The following H1-4 variants were observed in gnomAD, a reference collection of about 807,000 sequenced individuals.
H1-4 encodes H1.4 linker histone, cluster member, also known as histone H1.4.
In H1-4, 9 loss-of-function variants were observed where a neutral mutation model predicts 7.2. The ratio of observed to expected loss-of-function variants is 1.25; its 90% CI spans 0.75 to 2.18. The LOEUF (loss-of-function observed/expected upper bound fraction) is 2.18. Among genes scored for constraint, H1-4 ranks in the 30% most tolerant of loss-of-function variants. H1-4 has a pLI of 0.00. For missense variants in H1-4, 646 were observed against 287.9 expected, an observed-to-expected ratio of 2.24 and a Z score of -9.00; for synonymous variants, 318 against 126.6, an observed-to-expected ratio of 2.51 and a Z score of -10.15.
rs1184161636 is a variant in H1-4 at position 26,156,873 on chromosome 6, G to A, written c.483G>A (p.Pro161=). The part of the protein sequence containing the change: ...AKKTPKKAKK[P]AAAAGAKKAK... Reference sequence around the variant, plus strand: ...AGACCCCAAAGAAGGCGAAGAAGCCGGCTGCAGCTGCTGGAGCCAAAAAAG... The same window carrying A: ...AGACCCCAAAGAAGGCGAAGAAGCCAGCTGCAGCTGCTGGAGCCAAAAAAG... Residue 161 remains proline (P), a synonymous_variant, in exon 1 of 1, where the codon CCG becomes CCA. Coordinates refer to ENST00000304218, the MANE Select transcript of H1-4 (RefSeq NM_005321.3). 2.5e-6 allele frequency: 4 copies of A among 1,608,102 alleles called. No homozygotes were observed. The highest frequency in any genetic ancestry group is 2.2e-5 in the East Asian group (1 of 44,688).
Position 26,156,709 on chromosome 6 carries a change from C to T in H1-4, c.319C>T (p.Leu107Phe), listed in dbSNP as rs1233751189. 2 of 1,614,234 alleles carry T rather than the reference C, an allele frequency of 1.2e-6. No individual in the cohort carries two copies. Among genetic ancestry groups the T allele is most frequent in the Non-Finnish European group, 8.5e-7 (1 of 1,180,052 alleles). The change falls in exon 1 of 1, where the codon CTC (leucine) becomes TTC (phenylalanine). Residue 107 changes from leucine (L) to phenylalanine (F), a missense_variant. Coordinates refer to ENST00000304218, the MANE Select transcript of H1-4 (RefSeq NM_005321.3). ...CACCGGCGCGTCGGGTTCCTTCAAA[C>T]TCAACAAGAAGGCGGCCTCTGGGGA... ...KGTGASGSFK[L>F]NKKAASGEAK...
rs557299342 is a variant in H1-4 at position 26,156,337 on chromosome 6, G to A, written c.-54G>A. The A allele has an allele frequency of 2.0e-6, 3 of 1,476,356 alleles. No homozygotes were observed. Among genetic ancestry groups the A allele is most frequent in the Admixed American group, 2.2e-5 (1 of 45,348 alleles). 91.5% of individuals were successfully genotyped at this position (1,476,356 alleles called of 1,614,324 possible). On this transcript the variant is annotated 5_prime_UTR_variant, in exon 1 of 1. Transcript: ENST00000304218. ...GGCGCAGCGCCGCGGCTCGAGTCCC[G>A]GCCAGTGCCTCTGCTTCCGGCTCGA...
chr6:26,156,736 G>C lies in H1-4; in HGVS notation c.346G>C (p.Ala116Pro). The change falls in exon 1 of 1, where the codon GCC (alanine) becomes CCC (proline). Residue 116 changes from alanine (A) to proline (P), a missense_variant. By Grantham distance (27) the Ala-to-Pro change is conservative. Coordinates refer to ENST00000304218, the MANE Select transcript of H1-4 (RefSeq NM_005321.3). Reference sequence around the variant, plus strand: ...CAACAAGAAGGCGGCCTCTGGGGAAGCCAAGCCTAAGGCTAAAAAGGCAGG... The same window carrying C: ...CAACAAGAAGGCGGCCTCTGGGGAACCCAAGCCTAAGGCTAAAAAGGCAGG... Reference protein sequence around the residue: ...KLNKKAASGEAKPKAKKAGAA... With the variant: ...KLNKKAASGEPKPKAKKAGAA... 6.2e-7 allele frequency: 1 copy of C among 1,614,076 alleles called. No homozygotes were observed. The highest frequency in any genetic ancestry group is 8.5e-7 in the Non-Finnish European group (1 of 1,180,010).
rs1764197246 is a variant in H1-4, at chr6:26,156,866, A to G, written c.476A>G (p.Lys159Arg). Reference sequence around the variant, plus strand: ...GCCAAGAAGACCCCAAAGAAGGCGAAGAAGCCGGCTGCAGCTGCTGGAGCC... The same window carrying G: ...GCCAAGAAGACCCCAAAGAAGGCGAGGAAGCCGGCTGCAGCTGCTGGAGCC... ...KSAKKTPKKA[K>R]KPAAAAGAKK... is the part of the protein sequence containing the mutation. Residue 159 changes from lysine to arginine, a missense_variant, in exon 1 of 1, where the codon AAG becomes AGG. Transcript: ENST00000304218. The G allele has an allele frequency of 6.2e-7, 1 of 1,608,004 alleles. No homozygotes were observed. Among genetic ancestry groups the G allele is most frequent in the Non-Finnish European group, 8.5e-7 (1 of 1,177,892 alleles).
chr6:26,156,559 G>C lies in H1-4; in HGVS notation c.169G>C (p.Val57Leu). ...TGCCGCCTCCAAGGAGCGCAGCGGC[G>C]TATCTTTGGCCGCTCTCAAGAAAGC... ...AVAASKERSG[V>L]SLAALKKALA... Residue 57 changes from valine (V) to leucine (L), a missense_variant, in exon 1 of 1, where the codon GTA (valine) becomes CTA (leucine). By Grantham distance (32) the Val-to-Leu change is conservative (BLOSUM62 1). Transcript: ENST00000304218. 5.0e-6 allele frequency: 8 copies of C among 1,614,150 alleles called. No individual in the cohort carries two copies. Among genetic ancestry groups the C allele is most frequent in the South Asian group, 1.1e-5 (1 of 91,082 alleles).
At position 26,156,439 on chromosome 6, in the gene H1-4, A is replaced by G. The variant is rs776052237; in HGVS notation, c.49A>G (p.Lys17Glu). ...GCCCGCTGCTCCGGCCCCTGCCGAG[A>G]AGACTCCCGTGAAGAAGAAGGCCCG... is the stretch of plus-strand genomic sequence containing the variant. ...AAPAAPAPAE[K>E]TPVKKKARKS... The change falls in exon 1 of 1, where the codon AAG (lysine) becomes GAG (glutamate). Residue 17 changes from lysine to glutamate, a missense_variant. By Grantham distance (56) the Lys-to-Glu change is moderately conservative (BLOSUM62 1). Transcript: ENST00000304218. 2 of 1,608,664 alleles carry G rather than the reference A, an allele frequency of 1.2e-6. No individual in the cohort carries two copies. The highest frequency in any genetic ancestry group is 1.7e-6 in the Non-Finnish European group (2 of 1,177,474).
Position 26,156,972 on chromosome 6 carries a change from TAAACCCA to T in H1-4, c.584_590del (p.Lys195ArgfsTer32), listed in dbSNP as rs1561966211. The T allele has an allele frequency of 6.2e-7, 1 of 1,611,726 alleles. No homozygotes were observed. The highest frequency in any genetic ancestry group is 8.5e-7 in the Non-Finnish European group (1 of 1,179,730). ...AGAGCCCAGCGAAGGCCAAAGCAGT[TAAACCCA>T]AGGCGGCTAAACCAAAGACCGCCAA... On this transcript the variant is annotated frameshift_variant, in exon 1 of 1. Transcript: ENST00000304218. LOFTEE classifies it high-confidence loss of function.
rs750154588 is a variant in H1-4, at chr6:26,156,795, G to A, written c.405G>A (p.Ala135=). 6.2e-7 allele frequency: 1 copy of A among 1,611,118 alleles called. No homozygotes were observed. Among genetic ancestry groups the A allele is most frequent in the Non-Finnish European group, 8.5e-7 (1 of 1,178,656 alleles). ...AGGCCAAGAAGCCAGCAGGAGCGGC[G>A]AAGAAGCCCAAGAAGGCGACGGGGG... ...AAKAKKPAGA[A]KKPKKATGAA... Residue 135 remains alanine, a synonymous_variant, in exon 1 of 1, where the codon GCG becomes GCA. Coordinates refer to ENST00000304218, the MANE Select transcript of H1-4 (RefSeq NM_005321.3).
In H1-4 at chr6:26,156,758, C is replaced by G. The variant is rs146299591; in HGVS notation, c.368C>G (p.Ala123Gly). The change falls in exon 1 of 1, where the codon GCA (alanine) becomes GGA (glycine). Residue 123 changes from alanine to glycine, a missense_variant. Physicochemically the swap from Ala to Gly is moderately conservative, Grantham distance 60 (BLOSUM62 0). Coordinates refer to ENST00000304218, the MANE Select transcript of H1-4 (RefSeq NM_005321.3). ...GAAGCCAAGCCTAAGGCTAAAAAGG[C>G]AGGCGCGGCCAAGGCCAAGAAGCCA... ...SGEAKPKAKK[A>G]GAAKAKKPAG... is the part of the protein sequence containing the mutation. The G allele has an allele frequency of 1.2e-5, 19 of 1,613,776 alleles. No individual in the cohort carries two copies. Among genetic ancestry groups the G allele is most frequent in the Admixed American group, 1.7e-5 (1 of 59,958 alleles).
Position 26,157,086 on chromosome 6 carries a change from C to CA in H1-4, c.*38dup, listed in dbSNP as rs1561966426. 3 of 1,564,398 alleles carry CA rather than the reference C, an allele frequency of 1.9e-6. No individual in the cohort carries two copies. Among genetic ancestry groups the CA allele is most frequent in the East Asian group, 2.2e-5 (1 of 44,696 alleles). On this transcript the variant is annotated 3_prime_UTR_variant, in exon 1 of 1. Transcript: ENST00000304218. ...TGGCCAACTGCTTAGAAGCCCAACACAACCCAAAGGCTCTTTTCAGAGCCA... is the reference window on the plus strand; with the variant it reads ...TGGCCAACTGCTTAGAAGCCCAACACAAACCCAAAGGCTCTTTTCAGAGCCA...
rs150634482 is a variant in H1-4 at position 26,156,513 on chromosome 6, C to A, written c.123C>A (p.Ser41=). Residue 41 remains serine, a synonymous_variant, in exon 1 of 1, where the codon TCC becomes TCA. Transcript: ENST00000304218. ...AKRKASGPPV[S]ELITKAVAAS... is the part of the protein sequence containing the mutation. The stretch of plus-strand genomic sequence containing the variant: ...GCAAAGCGTCTGGGCCCCCGGTGTC[C>A]GAGCTCATTACTAAAGCTGTTGCCG... 1.2e-6 allele frequency: 2 copies of A among 1,613,884 alleles called. No individual in the cohort carries two copies. Among genetic ancestry groups the A allele is most frequent in the Admixed American group, 3.3e-5 (2 of 60,028 alleles).
At position 26,156,579 on chromosome 6, in the gene H1-4, G is replaced by A. The variant is rs535188796; in HGVS notation, c.189G>A (p.Lys63=). The A allele has an allele frequency of 2.0e-5, 33 of 1,614,086 alleles. No homozygotes were observed. The East Asian group carries it at 5.3e-4, about 26-fold the overall frequency. The change falls in exon 1 of 1, where the codon AAG becomes AAA. Residue 63 remains lysine, a synonymous_variant. Coordinates refer to ENST00000304218, the MANE Select transcript of H1-4 (RefSeq NM_005321.3). ...ERSGVSLAAL[K]KALAAAGYDV... ...GCGGCGTATCTTTGGCCGCTCTCAA[G>A]AAAGCGCTGGCAGCCGCTGGCTATG...
In H1-4 at chr6:26,156,944, C is replaced by T. The variant is rs760459487; in HGVS notation, c.554C>T (p.Pro185Leu). 1.9e-6 allele frequency: 3 copies of T among 1,612,474 alleles called. No homozygotes were observed. The highest frequency in any genetic ancestry group is 2.2e-5 in the South Asian group (2 of 91,026). Residue 185 changes from proline (P) to leucine (L), a missense_variant, in exon 1 of 1, where the codon CCC (proline) becomes CTC (leucine). By Grantham distance (98) the Pro-to-Leu change is moderately conservative. Coordinates refer to ENST00000304218, the MANE Select transcript of H1-4 (RefSeq NM_005321.3). The part of the protein sequence containing the change: ...KAKAAKPKKA[P>L]KSPAKAKAVK... The stretch of plus-strand genomic sequence containing the variant: ...AAAGCAGCCAAGCCAAAAAAGGCGC[C>T]CAAGAGCCCAGCGAAGGCCAAAGCA...
chr6:26,156,946 A>G lies in H1-4; in HGVS notation c.556A>G (p.Lys186Glu). Reference sequence around the variant, plus strand: ...AGCAGCCAAGCCAAAAAAGGCGCCCAAGAGCCCAGCGAAGGCCAAAGCAGT... The same window carrying G: ...AGCAGCCAAGCCAAAAAAGGCGCCCGAGAGCCCAGCGAAGGCCAAAGCAGT... ...AKAAKPKKAPKSPAKAKAVKP... is the reference protein window; with the variant it reads ...AKAAKPKKAPESPAKAKAVKP... The change falls in exon 1 of 1, where the codon AAG becomes GAG. Residue 186 changes from lysine to glutamate, a missense_variant. Physicochemically the swap from Lys to Glu is moderately conservative, Grantham distance 56 (BLOSUM62 1). Transcript: ENST00000304218. 6.2e-7 allele frequency: 1 copy of G among 1,612,614 alleles called. No homozygotes were observed. The highest frequency in any genetic ancestry group is 8.5e-7 in the Non-Finnish European group (1 of 1,179,910).
rs776546273 is a variant in H1-4 at position 26,156,415 on chromosome 6, C to T, written c.25C>T (p.Pro9Ser). MSETAPAA[P>S]AAPAPAEKTP... is the part of the protein sequence containing the mutation. ...CATGTCCGAGACTGCGCCTGCCGCG[C>T]CCGCTGCTCCGGCCCCTGCCGAGAA... Residue 9 changes from proline to serine, a missense_variant, in exon 1 of 1, where the codon CCC becomes TCC. Pro to Ser is a moderately conservative substitution (Grantham distance 74). Transcript: ENST00000304218. 4.4e-6 allele frequency: 7 copies of T among 1,590,090 alleles called. No individual in the cohort carries two copies. The highest frequency in any genetic ancestry group is 3.6e-5 in the Admixed American group (2 of 56,064).
rs780840737 is a variant in H1-4 at position 26,156,767 on chromosome 6, C to T, written c.377C>T (p.Ala126Val). The T allele has an allele frequency of 2.0e-5, 32 of 1,613,278 alleles. No homozygotes were observed. In the African/African-American group the frequency reaches 2.8e-4, roughly 14 times the overall value. Reference protein sequence around the residue: ...AKPKAKKAGAAKAKKPAGAAK... With the variant: ...AKPKAKKAGAVKAKKPAGAAK... The stretch of plus-strand genomic sequence containing the variant: ...CCTAAGGCTAAAAAGGCAGGCGCGG[C>T]CAAGGCCAAGAAGCCAGCAGGAGCG... The change falls in exon 1 of 1, where the codon GCC (alanine) becomes GTC (valine). Residue 126 changes from alanine to valine, a missense_variant. Coordinates refer to ENST00000304218, the MANE Select transcript of H1-4 (RefSeq NM_005321.3).
Position 26,156,825 on chromosome 6 carries a change from CACCCCCAAGAAGAGCGCCAAGAAG to C in H1-4, c.441_464del (p.Ser150_Lys157del), listed in dbSNP as rs773492206. 3 of 1,607,070 alleles carry C rather than the reference CACCCCCAAGAAGAGCGCCAAGAAG, an allele frequency of 1.9e-6. No homozygotes were observed. Among genetic ancestry groups the C allele is most frequent in the African/African-American group, 1.3e-5 (1 of 74,790 alleles). ...AGCCCAAGAAGGCGACGGGGGCGGC[CACCCCCAAGAAGAGCGCCAAGAAG>C]ACCCCAAAGAAGGCGAAGAAGCCGG... On this transcript the variant is annotated inframe_deletion, in exon 1 of 1. Coordinates refer to ENST00000304218, the MANE Select transcript of H1-4 (RefSeq NM_005321.3).
Position 26,156,375 on chromosome 6 carries a change from C to G in H1-4, c.-16C>G, listed in dbSNP as rs371861388. The G allele has an allele frequency of 2.6e-6, 4 of 1,537,914 alleles. No homozygotes were observed. The highest frequency in any genetic ancestry group is 1.4e-5 in the African/African-American group (1 of 72,348). On this transcript the variant is annotated 5_prime_UTR_variant, in exon 1 of 1. Coordinates refer to ENST00000304218, the MANE Select transcript of H1-4 (RefSeq NM_005321.3). The stretch of plus-strand genomic sequence containing the variant: ...GCTTCCGGCTCGAATTGCTCTCGCT[C>G]ACGCTTGCCTTCAACATGTCCGAGA...
rs1375535287 is a variant in H1-4 at position 26,156,865 on chromosome 6, A to G, written c.475A>G (p.Lys159Glu). 1 of 1,607,820 alleles carries G rather than the reference A, an allele frequency of 6.2e-7. No homozygotes were observed. Among genetic ancestry groups the G allele is most frequent in the Non-Finnish European group, 8.5e-7 (1 of 1,177,862 alleles). Residue 159 changes from lysine (K) to glutamate (E), a missense_variant, in exon 1 of 1, where the codon AAG (lysine) becomes GAG (glutamate). Coordinates refer to ENST00000304218, the MANE Select transcript of H1-4 (RefSeq NM_005321.3). ...CGCCAAGAAGACCCCAAAGAAGGCGAAGAAGCCGGCTGCAGCTGCTGGAGC... is the reference window on the plus strand; with the variant it reads ...CGCCAAGAAGACCCCAAAGAAGGCGGAGAAGCCGGCTGCAGCTGCTGGAGC... ...KSAKKTPKKAKKPAAAAGAKK... is the reference protein window; with the variant it reads ...KSAKKTPKKAEKPAAAAGAKK...
Sources: allele counts gnomAD v4.1 joint callset, GRCh38; gene constraint gnomAD v4.1.1; transcripts MANE v1.5; gene names NCBI Gene and HGNC (gene_info 2026-07-23, HGNC 2026-07-21).